Variants in RYR2 observed in about 807,000 individuals in gnomAD.
The protein encoded by RYR2 is cardiac muscle ryanodine receptor-calcium release channel.
A neutral mutation model predicts 601.1 loss-of-function variants in RYR2; 227 were observed. The ratio of observed to expected loss-of-function variants is 0.38; its 90% CI spans 0.34 to 0.42. RYR2 has a LOEUF of 0.42. RYR2 is among the 10% of genes least tolerant of loss of function. The pLI, the probability that RYR2 is intolerant of heterozygous loss-of-function variation, is 1.00. For missense variants in RYR2, 4,646 were observed against 6,156.5 expected, an observed-to-expected ratio of 0.75 and a Z score of 8.21; for synonymous variants, 2,223 against 2,175.1, an observed-to-expected ratio of 1.02 and a Z score of -0.61.
At chr1:237,268,379 C>T (rs899122190) in intron 1 of RYR2, among the ~76,000 whole-genome samples, 2 of 152,154 alleles carry the variant, frequency 1.3e-5, no homozygotes, top group African/African-American at 4.8e-5. Context: ...TTTGATCTTG[C>T]AGATTATATA....
At chr1:237,056,184 A>ACACTGCGCCTGTGAGGACTGGAG (rs1662011320) in intron 1 of RYR2, among the ~76,000 whole-genome samples, 3 of 134,276 alleles carry the variant, frequency 2.2e-5, no homozygotes, top group African/African-American at 8.6e-5. Context: ...GAGGATTGGA[A>ACACTGCGCCTGTGAGGACTGGAG]CACTGCACCT....
Position 237,602,035 on chromosome 1 carries a change from G to T in RYR2, c.4607G>T (p.Ser1536Ile), listed in dbSNP as rs2148510905. Residue 1536 changes from serine (S) to isoleucine (I), a missense_variant, in exon 35 of 105, where the codon AGT becomes ATT. By Grantham distance (142) the Ser-to-Ile change is moderately radical. Transcript: ENST00000366574. ...TTAAATGTATTTCAGGTGGAACCGA[G>T]TACAAAATTATTTCCTGCGGTTTTT... The part of the protein sequence containing the change: ...ELSTYYQVEP[S>I]TKLFPAVFAQ... 1 of 1,612,028 alleles carries T rather than the reference G, an allele frequency of 6.2e-7. No individual in the cohort carries two copies. Among genetic ancestry groups the T allele is most frequent in the Non-Finnish European group, 8.5e-7 (1 of 1,178,826 alleles).
At chr1:237,632,655 C>T (rs1477379543) in intron 42 of RYR2, among the ~76,000 whole-genome samples, 1 of 151,988 alleles carries the variant, frequency 6.6e-6, no homozygotes, top group Admixed American at 6.5e-5. Flanking sequence ...CTTGGCCTCC[C>T]AAAGTGCTGG....
intron 1 of RYR2, among the ~76,000 whole-genome samples, chr1:237,096,161 T>G (rs752866775): frequency 6.6e-6 from 1 of 152,172 alleles, no homozygotes; most frequent in Non-Finnish European, 1.5e-5. Context: ...TTGGACAGTG[T>G]CGTCCTTCAA....
At chr1:237,226,015 A>T (rs1684323174) in intron 1 of RYR2, among the ~76,000 whole-genome samples, 1 of 151,780 alleles carries the variant, frequency 6.6e-6, no homozygotes. Flanking sequence ...AGATTGTGCC[A>T]CTGCACTCCA....
intron 97 of RYR2, among the ~76,000 whole-genome samples, chr1:237,801,392 A>T (rs1450821906): frequency 7.2e-6 from 1 of 138,886 alleles, no homozygotes. Flanking sequence ...AAAAAAAAAA[A>T]TTCGCTGGGA....
intron 37 of RYR2, among the ~76,000 whole-genome samples, chr1:237,616,245 T>A (rs1678452778): frequency 6.6e-6 from 1 of 152,232 alleles, no homozygotes; most frequent in African/African-American, 2.4e-5. Flanking sequence ...GACACTGTCA[T>A]GTATTTATAT....
At chr1:237,135,765 G>T (rs1672709357) in intron 1 of RYR2, among the ~76,000 whole-genome samples, 1 of 152,186 alleles carries the variant, frequency 6.6e-6, no homozygotes, top group African/African-American at 2.4e-5. Context: ...TTTGTCTTTT[G>T]TACAGCTTTT....
intron 57 of RYR2, 58 bp downstream of exon 57, chr1:237,666,647 G>A (rs1684352503): frequency 3.1e-6 from 4 of 1,309,590 alleles, no homozygotes; most frequent in Non-Finnish European, 3.2e-6. Flanking sequence ...GAAGCATAAT[G>A]TAATGCTTTC....
At chr1:237,627,728 C>A in intron 40 of RYR2, 79 bp from the exon 41 acceptor site, 1 of 1,394,194 alleles carries the variant, frequency 7.2e-7, no homozygotes, top group East Asian at 2.5e-5. Flanking sequence ...TTTGGGGGTA[C>A]AGGATATGGA....
chr1:237,629,710 A>C (rs1680052092), intron 41 of RYR2, among the ~76,000 whole-genome samples: 5 of 152,190 alleles, frequency 3.3e-5, no homozygotes. Flanking sequence ...TTTCTTTGAC[A>C]GAACTCAAAT....
chr1:237,237,148 C>A (rs761151953), intron 1 of RYR2, among the ~76,000 whole-genome samples: 1 of 152,136 alleles, frequency 6.6e-6, no homozygotes, highest in Non-Finnish European at 1.5e-5. Context: ...CGGAGGCCTC[C>A]CCAGCCATGC....
intron 38 of RYR2, among the ~76,000 whole-genome samples, chr1:237,619,006 A>G (rs1573152484): frequency 6.6e-6 from 1 of 152,250 alleles, no homozygotes; most frequent in Middle Eastern, 3.4e-3. Context: ...GAGTGGGAAA[A>G]TGGACTTCGC....
At chr1:237,716,850 A>G (rs899858563) in intron 71 of RYR2, among the ~76,000 whole-genome samples, 4 of 152,142 alleles carry the variant, frequency 2.6e-5, no homozygotes, top group African/African-American at 7.2e-5. Flanking sequence ...TTATTCTTAT[A>G]TTTCTTAAGC....
At chr1:237,519,931 T>A (rs1301168799) in intron 24 of RYR2, among the ~76,000 whole-genome samples, 1 of 152,108 alleles carries the variant, frequency 6.6e-6, no homozygotes, top group East Asian at 1.9e-4. Flanking sequence ...TTTTTGTGTT[T>A]GTTTGCATCA....
At chr1:237,382,229 T>A (rs1439444553) in intron 8 of RYR2, among the ~76,000 whole-genome samples, 2 of 152,168 alleles carry the variant, frequency 1.3e-5, no homozygotes, top group Non-Finnish European at 2.9e-5. Flanking sequence ...GTGAAAACAT[T>A]GCCAAATAAA....
At chr1:237,541,104 T>TA (rs1669213019) in intron 25 of RYR2, among the ~76,000 whole-genome samples, 1 of 152,198 alleles carries the variant, frequency 6.6e-6, no homozygotes, top group Non-Finnish European at 1.5e-5. Flanking sequence ...GATTTTTCTG[T>TA]AAAGATGAGG....
intron 2 of RYR2, among the ~76,000 whole-genome samples, chr1:237,302,574 G>T (rs1693468379): frequency 6.6e-6 from 1 of 152,258 alleles, no homozygotes; most frequent in Middle Eastern, 3.4e-3. Flanking sequence ...ACTACAGAGT[G>T]AGCTAAGCAT....
At chr1:237,673,951 CAGT>C in intron 58 of RYR2, 142 bp from the exon 59 acceptor site, 1 of 530,478 alleles carries the variant, frequency 1.9e-6, no homozygotes, top group Non-Finnish European at 3.3e-6. Context: ...ACATTAAAGG[CAGT>C]AGAGGCAGAA....
Sources: gnomAD v4.1 joint callset for allele counts (sites outside exome capture counted in the v4.1 genomes callset) on GRCh38, gnomAD v4.1.1 for gene constraint, MANE v1.5 for transcripts, NCBI Gene and HGNC (gene_info 2026-07-23, HGNC 2026-07-21) for gene names.